SLC5A11: variants seen among roughly 807,000 people sequenced by gnomAD.
SLC5A11 encodes sodium/myo-inositol cotransporter 2.
Under a neutral mutation model 69.8 loss-of-function variants are expected in SLC5A11, and 48 were observed. That is an observed-to-expected ratio of 0.69 (90% CI 0.55 to 0.87). The LOEUF (loss-of-function observed/expected upper bound fraction) is 0.87, where lower values mean the gene tolerates loss of function less well. SLC5A11 is among the 40% of genes least tolerant of loss of function. The probability of loss-of-function intolerance (pLI) is 0.00; values close to 1 mark genes in which losing one functional copy is unlikely to be tolerated. For missense variants in SLC5A11, 784 were observed against 866.1 expected, an observed-to-expected ratio of 0.91 and a Z score of 1.19; for synonymous variants, 319 against 342.4, an observed-to-expected ratio of 0.93 and a Z score of 0.75.
intron 12 of SLC5A11, 65 bp from the exon 14 acceptor site, chr16:24,907,898 G>GA: frequency 6.3e-7 from 1 of 1,587,022 alleles, no homozygotes; most frequent in Non-Finnish European, 8.6e-7. Flanking sequence ...AAAAGAGACA[G>GA]AGAGAGGGAA....
chr16:24,890,095 AG>A (rs2048675605), intron 8 of SLC5A11, among the ~76,000 whole-genome samples: 1 of 152,204 alleles, frequency 6.6e-6, no homozygotes, highest in Admixed American at 6.5e-5. Flanking sequence ...AGAATTACAG[AG>A]GGATTTCTCA....
chr16:24,848,095 C>T (rs2059108249), intron 1 of SLC5A11, among the ~76,000 whole-genome samples: 1 of 152,138 alleles, frequency 6.6e-6, no homozygotes, highest in Non-Finnish European at 1.5e-5. Context: ...GGAGCTTGTC[C>T]AGCAAAGAGT....
intron 3 of SLC5A11, among the ~76,000 whole-genome samples, chr16:24,865,756 A>G (rs991123093): frequency 3.9e-5 from 6 of 152,086 alleles, no homozygotes. Flanking sequence ...CTACCCTATA[A>G]GAAATTCTAA....
intron 3 of SLC5A11, among the ~76,000 whole-genome samples, chr16:24,863,529 A>AT (rs1290844137): frequency 6.6e-6 from 1 of 151,758 alleles, no homozygotes; most frequent in Non-Finnish European, 1.5e-5. Context: ...AAAGTAAATT[A>AT]CAGGCCCGCA....
At chr16:24,852,455 C>T (rs1260302641) in intron 1 of SLC5A11, among the ~76,000 whole-genome samples, 1 of 152,154 alleles carries the variant, frequency 6.6e-6, no homozygotes, top group Non-Finnish European at 1.5e-5. Flanking sequence ...TAGGCGACCT[C>T]AAGGGTAGGC....
intron 1 of SLC5A11, among the ~76,000 whole-genome samples, chr16:24,850,836 A>T (rs1341198998): frequency 6.6e-6 from 1 of 151,308 alleles, no homozygotes; most frequent in African/African-American, 2.4e-5. Context: ...TTTAAGACAG[A>T]GTCTTGCTCT....
chr16:24,908,522 T>TG (rs1244311634), intron 13 of SLC5A11, among the ~76,000 whole-genome samples: 3 of 125,070 alleles, frequency 2.4e-5, no homozygotes, highest in Non-Finnish European at 4.7e-5. Flanking sequence ...CACTGGAACC[T>TG]GGGGGGCAGA....
At chr16:24,908,496 G>T (rs1451387319) in intron 13 of SLC5A11, among the ~76,000 whole-genome samples, 1 of 150,560 alleles carries the variant, frequency 6.6e-6, no homozygotes, top group Non-Finnish European at 1.5e-5. Context: ...CTACTCAGAT[G>T]CTGAGGCAGG....
intron 12 of SLC5A11, among the ~76,000 whole-genome samples, chr16:24,907,716 A>AG (rs2050174664): frequency 6.6e-6 from 1 of 151,336 alleles, no homozygotes; most frequent in South Asian, 2.1e-4. Flanking sequence ...CAAAAAAAAA[A>AG]ATTAAAATAA....
At chr16:24,875,280 G>T (rs577152851) in intron 5 of SLC5A11, among the ~76,000 whole-genome samples, 1 of 152,320 alleles carries the variant, frequency 6.6e-6, no homozygotes, top group East Asian at 1.9e-4. Flanking sequence ...CTGAGCTCAG[G>T]CTCAAGTGAT....
At chr16:24,881,805 A>G (rs2048061217) in intron 7 of SLC5A11, among the ~76,000 whole-genome samples, 1 of 151,330 alleles carries the variant, frequency 6.6e-6, no homozygotes, top group Non-Finnish European at 1.5e-5. Context: ...AACCAGAGTG[A>G]AAATGGCACC....
chr16:24,891,784 A>T (rs959647395), intron 9 of SLC5A11, among the ~76,000 whole-genome samples: 1 of 152,204 alleles, frequency 6.6e-6, no homozygotes, highest in African/African-American at 2.4e-5. Context: ...ATCAGGAGCT[A>T]ATAAATCAAA....
chr16:24,902,306 G>T (rs2049688722), intron 10 of SLC5A11, among the ~76,000 whole-genome samples: 1 of 151,938 alleles, frequency 6.6e-6, no homozygotes, highest in African/African-American at 2.4e-5. Flanking sequence ...ATTAATAATG[G>T]ATTGAATGTA....
In SLC5A11 at chr16:24,858,516, C is replaced by T. The variant is rs561981070; in HGVS notation, c.-24-104C>T. 291 of 988,756 alleles carry T rather than the reference C, an allele frequency of 2.9e-4. 5 individuals are homozygous for T. The South Asian group carries it at 4.6e-3, about 16-fold the overall frequency. 61.2% of individuals were successfully genotyped at this position (988,756 alleles called of 1,614,324 possible). A position where few individuals can be genotyped will look rare whatever the true frequency, so the allele number is the denominator to read the frequency against. On this transcript the variant is annotated intron_variant, in intron 1 of 15. Coordinates refer to ENST00000347898, the Ensembl canonical transcript of SLC5A11. ...GATCTGTCTTCCACCACACATCCCT[C>T]CACATGGGTCCTCTTTCATGGATGG...
At chr16:24,898,990 A>G (rs772998095) in intron 10 of SLC5A11, among the ~76,000 whole-genome samples, 6 of 151,086 alleles carry the variant, frequency 4.0e-5, no homozygotes, top group Non-Finnish European at 8.9e-5. Flanking sequence ...CTATTTTTCA[A>G]AAGTTTTTGT....
chr16:24,858,803 G>A (rs753351502), intron 2 of SLC5A11, 25 bp downstream of exon 3: 1 of 1,600,932 alleles, frequency 6.2e-7, no homozygotes, highest in Non-Finnish European at 8.5e-7. Context: ...TGGGGGATGG[G>A]GGATGAAGAG....
At position 24,862,617 on chromosome 16, in the gene SLC5A11, A is replaced by G. The variant is rs1007895519; in HGVS notation, c.152A>G (p.Lys51Arg). ...TTTTTTCAGTCCACAGTGAAGACCA[A>G]AAGAGACACAGTGAAAGGCTACTTC... The change falls in exon 3 of 16, where the codon AAA becomes AGA. Residue 51 changes from lysine to arginine, a missense_variant. Lys to Arg is a conservative substitution (Grantham distance 26). Transcript: ENST00000347898. The G allele has an allele frequency of 5.0e-6, 8 of 1,613,536 alleles. No homozygotes were observed. Among genetic ancestry groups the G allele is most frequent in the African/African-American group, 2.7e-5 (2 of 74,904 alleles).
At chr16:24,871,317 C>A (rs781138867) in intron 4 of SLC5A11, among the ~76,000 whole-genome samples, 2 of 152,154 alleles carry the variant, frequency 1.3e-5, no homozygotes, top group Admixed American at 1.3e-4. Flanking sequence ...GTCGCCCAAG[C>A]TGGAGTGCAG....
At chr16:24,909,597 T>C (rs1217234994) in intron 14 of SLC5A11, among the ~76,000 whole-genome samples, 2 of 125,478 alleles carry the variant, frequency 1.6e-5, no homozygotes, top group African/African-American at 6.4e-5. Context: ...GCTATGACCA[T>C]GCCACTGCAC....
Sources: gnomAD v4.1 joint callset for allele counts (sites outside exome capture counted in the v4.1 genomes callset) on GRCh38, gnomAD v4.1.1 for gene constraint, MANE v1.5 for transcripts, NCBI Gene and HGNC (gene_info 2026-07-23, HGNC 2026-07-21) for gene names.